EIF1AX: variants seen among roughly 807,000 people sequenced by gnomAD.
EIF1AX encodes the protein eukaryotic translation initiation factor 1A X-linked.
EIF1AX carries 1 observed loss-of-function variant against 16.1 expected under a neutral mutation model. The observed-to-expected ratio is 0.06, with a 90% CI of 0.02 to 0.30. The LOEUF is 0.30. EIF1AX is among the 10% of genes least tolerant of loss of function. The pLI is 1.00. For missense variants in EIF1AX, 11 were observed against 109.1 expected (o/e 0.10, Z 4.00); for synonymous variants, 32 against 37.3 (o/e 0.86, Z 0.51).
chrX:20,128,817 G>A (rs770488268), intron 6 of EIF1AX, among the ~76,000 whole-genome samples: 196 of 111,592 alleles, frequency 1.8e-3, no homozygotes, highest in African/African-American at 5.5e-3. Flanking sequence ...CTGAGGAGGC[G>A]TTGGCCCAGA....
chrX:20,135,991 TAAACATCAAGTTAGTTA>T (rs200276341), intron 2 of EIF1AX, 150 bp from the exon 3 acceptor site: 3 of 449,781 alleles, frequency 6.7e-6, no homozygotes, highest in East Asian at 7.5e-5. Flanking sequence ...AAGGGAGTGA[TAAACATCAAGTTAGTTA>T]ACGGCAGAGC....
intron 2 of EIF1AX, among the ~76,000 whole-genome samples, chrX:20,138,255 G>A (rs2067023909): frequency 9.2e-6 from 1 of 109,283 alleles, no homozygotes; most frequent in Non-Finnish European, 1.9e-5. Flanking sequence ...CGCCCGCCTT[G>A]GCCTCCCAAA....
chrX:20,134,403 T>C (rs1394688911), intron 3 of EIF1AX, among the ~76,000 whole-genome samples: 2 of 98,120 alleles, frequency 2.0e-5, no homozygotes, highest in Non-Finnish European at 4.1e-5. Flanking sequence ...AACAAATAAA[T>C]AAACTTCTTT....
intron 2 of EIF1AX, among the ~76,000 whole-genome samples, chrX:20,137,569 A>G (rs1162642929): frequency 5.3e-5 from 6 of 112,362 alleles, no homozygotes; most frequent in Non-Finnish European, 9.4e-5. Context: ...ACTCGAAATA[A>G]AAGTAACAGG....
At chrX:20,136,141 T>C (rs2067015990) in intron 2 of EIF1AX, 2 of 283,068 alleles carry the variant, frequency 7.1e-6, no homozygotes, top group South Asian at 4.1e-5. Flanking sequence ...TGCCCAGAAA[T>C]GATTAGGCTT....
At position 20,128,275 on chromosome X, in the gene EIF1AX, A is replaced by G; in HGVS notation, c.*31T>C. 1 of 1,182,975 alleles carries G rather than the reference A, an allele frequency of 8.5e-7. No homozygotes were observed. The highest frequency in any genetic ancestry group is 1.1e-6 in the Non-Finnish European group (1 of 875,107). On this transcript the variant is annotated 3_prime_UTR_variant, in exon 7 of 7. Coordinates refer to ENST00000379607, the MANE Select transcript of EIF1AX (RefSeq NM_001412.4). ...ATCCAAATTGTAGGACAATCTTCAG[A>G]AAAGATGGAATGTAAAATGTTGAGT...
At chrX:20,139,675 CA>C (rs201705324) in intron 1 of EIF1AX, among the ~76,000 whole-genome samples, 2 of 106,990 alleles carry the variant, frequency 1.9e-5, no homozygotes, top group African/African-American at 3.4e-5. Flanking sequence ...TTGGAAGCAG[CA>C]AAAAAAAATG....
At chrX:20,141,583 C>G (rs1445564244) in intron 1 of EIF1AX, 42 bp downstream of exon 1, 39 of 1,142,560 alleles carry the variant, frequency 3.4e-5, no homozygotes, top group Non-Finnish European at 1.4e-5. Context: ...CTGGGAGACC[C>G]GGCCGAGCAG....
intron 3 of EIF1AX, among the ~76,000 whole-genome samples, chrX:20,134,513 G>A (rs944223476): frequency 5.4e-5 from 6 of 111,793 alleles, no homozygotes; most frequent in African/African-American, 9.7e-5. Context: ...CGAGGCCGGC[G>A]GGTCACTTGA....
intron 4 of EIF1AX, among the ~76,000 whole-genome samples, 164 bp from the exon 5 acceptor site, chrX:20,132,427 A>C (rs890326961): frequency 1.3e-4 from 15 of 111,957 alleles, no homozygotes; most frequent in African/African-American, 4.9e-4. Context: ...AAAGATCCTT[A>C]GGTTTAACCC....
chrX:20,130,185 C>A (rs193164168), intron 6 of EIF1AX, among the ~76,000 whole-genome samples: 191 of 107,605 alleles, frequency 1.8e-3, no homozygotes, highest in African/African-American at 5.4e-3. Flanking sequence ...CGCCTGTAGT[C>A]CCAGCTATTC....
intron 3 of EIF1AX, 52 bp downstream of exon 3, chrX:20,135,686 G>A (rs374795026): frequency 2.8e-5 from 26 of 936,081 alleles, no homozygotes; most frequent in Non-Finnish European, 3.5e-5. Flanking sequence ...AACTGTAGAG[G>A]GATTTTCCCC....
At chrX:20,135,454 A>C (rs1168692370) in intron 3 of EIF1AX, among the ~76,000 whole-genome samples, 1 of 111,171 alleles carries the variant, frequency 9.0e-6, no homozygotes, top group Non-Finnish European at 1.9e-5. Context: ...ATCAAAAAAA[A>C]GACAAGGAAA....
At chrX:20,131,563 T>G (rs2067001272) in intron 5 of EIF1AX, among the ~76,000 whole-genome samples, 1 of 110,436 alleles carries the variant, frequency 9.1e-6, no homozygotes, top group African/African-American at 3.3e-5. Flanking sequence ...AGGCAGAGGT[T>G]GCAGTGAGCC....
intron 3 of EIF1AX, 53 bp downstream of exon 3, chrX:20,135,685 G>A: frequency 1.1e-6 from 1 of 929,237 alleles, no homozygotes; most frequent in East Asian, 3.1e-5. Flanking sequence ...AAACTGTAGA[G>A]GGATTTTCCC....
chrX:20,132,739 A>G (rs186951252), intron 4 of EIF1AX, among the ~76,000 whole-genome samples: 30 of 112,224 alleles, frequency 2.7e-4, no homozygotes, highest in Non-Finnish European at 4.7e-4. Flanking sequence ...TGGAGCTTTT[A>G]TATCTTCTGA....
At position 20,125,468 on chromosome X, in the gene EIF1AX, T is replaced by C. The variant is rs146978633; in HGVS notation, c.*2838A>G. ...ATAAATAAAACTTACCCTTACGAAG[T>C]AGAATAAAGATAAGCATTTCATACC... is the stretch of plus-strand genomic sequence containing the variant. On this transcript the variant is annotated 3_prime_UTR_variant, in exon 7 of 7. Transcript: ENST00000379607. The C allele has an allele frequency of 1.8e-5, 3 of 170,242 alleles. No homozygotes were observed. Among genetic ancestry groups the C allele is most frequent in the East Asian group, 8.5e-5 (1 of 11,806 alleles). The allele number at this position is 170,242 out of a possible 1,213,427, so 14.0% of individuals were successfully genotyped here. A position where few individuals can be genotyped will look rare whatever the true frequency, so the allele number is the denominator to read the frequency against.
intron 6 of EIF1AX, 108 bp downstream of exon 6, chrX:20,130,405 TACA>T: frequency 1.5e-6 from 1 of 658,066 alleles, no homozygotes. Context: ...ATTCTCAAAA[TACA>T]ACCTTATTTA....
intron 2 of EIF1AX, among the ~76,000 whole-genome samples, chrX:20,137,321 C>T (rs1235247762): frequency 1.8e-5 from 2 of 111,017 alleles, no homozygotes; most frequent in Non-Finnish European, 3.8e-5. Context: ...TGGCGGGTGC[C>T]TGTAGTCCCA....
Sources: gnomAD v4.1 joint callset for allele counts (sites outside exome capture counted in the v4.1 genomes callset) on GRCh38, gnomAD v4.1.1 for gene constraint, MANE v1.5 for transcripts, NCBI Gene and HGNC (gene_info 2026-07-23, HGNC 2026-07-21) for gene names.